The following MACROD2 variants were observed in gnomAD, a reference collection of about 807,000 sequenced individuals.
MACROD2 encodes the protein ADP-ribose glycohydrolase MACROD2.
Under a neutral mutation model 70.4 loss-of-function variants are expected in MACROD2, and 36 were observed. The observed-to-expected ratio is 0.51, with a 90% confidence interval of 0.39 to 0.68. MACROD2 has a LOEUF of 0.68. Ranked by LOEUF, MACROD2 falls within the 30% of genes least tolerant of loss-of-function variation. The pLI is 0.00. For missense variants in MACROD2, 496 were observed against 538.4 expected (o/e 0.92, Z 0.78); for synonymous variants, 172 against 178.8 (o/e 0.96, Z 0.30).
chr20:14,292,613 C>CTCAT (rs1472034761), intron 3 of MACROD2, among the ~76,000 whole-genome samples: 1 of 151,848 alleles, frequency 6.6e-6, no homozygotes, highest in Non-Finnish European at 1.5e-5. Context: ...AAACTAAAAG[C>CTCAT]TCATTCATTC....
At chr20:15,919,592 G>A (rs538477553) in intron 10 of MACROD2, among the ~76,000 whole-genome samples, 3 of 151,998 alleles carry the variant, frequency 2.0e-5, no homozygotes, top group African/African-American at 2.4e-5. Context: ...AGAAATTAGC[G>A]GGTGTGGTGG....
chr20:15,847,634 G>A (rs74668272), intron 8 of MACROD2, among the ~76,000 whole-genome samples: 3,485 of 152,206 alleles, frequency 0.023, 130 homozygotes, highest in African/African-American at 0.08. Context: ...AGCAGCAGAC[G>A]TTATATAACA....
chr20:15,845,218 A>G (rs1005562211), intron 8 of MACROD2, among the ~76,000 whole-genome samples: 2 of 152,120 alleles, frequency 1.3e-5, no homozygotes, highest in Non-Finnish European at 2.9e-5. Flanking sequence ...CCTAATTCCA[A>G]TGACTGCTGT....
chr20:15,965,390 T>C lies in MACROD2; in HGVS notation c.908-2163T>C, dbSNP rs141083061. Among the ~76,000 whole-genome samples the C allele has an allele frequency of 3.9e-3, 592 of 152,308 alleles. 9 individuals are homozygous for C. The highest frequency in any genetic ancestry group is 0.014 in the African/African-American group (572 of 41,572). On this transcript the variant is annotated intron_variant, in intron 12 of 17. Transcript: ENST00000684519. ...TGTGACTCATTAGATCATAAACTTG[T>C]AAACTCGATGTAAATCACCATTGAG...
At chr20:14,198,160 AAGAG>A (rs530051276) in intron 3 of MACROD2, among the ~76,000 whole-genome samples, 2 of 151,680 alleles carry the variant, frequency 1.3e-5, no homozygotes, top group African/African-American at 2.4e-5. Context: ...AGAAGCGAGA[AAGAG>A]AGAGAGAAGG....
rs1177119119 is a variant in MACROD2, at chr20:14,774,132, C to A, written c.418+89173C>A. On this transcript the variant is annotated intron_variant, in intron 5 of 17. Transcript: ENST00000684519. Reference sequence around the variant, plus strand: ...ATCATAGAGGAATAGCCTTTAAAGACCTTGGAAGTAGAGTATTACTGCAAG... The same window carrying A: ...ATCATAGAGGAATAGCCTTTAAAGAACTTGGAAGTAGAGTATTACTGCAAG... Among the ~76,000 whole-genome samples the A allele has an allele frequency of 2.6e-5, 4 of 151,924 alleles. No individual in the cohort carries two copies. In the East Asian group the frequency reaches 7.7e-4, roughly 29 times the overall value.
intron 8 of MACROD2, among the ~76,000 whole-genome samples, chr20:15,790,612 T>C (rs953759694): frequency 3.3e-5 from 5 of 151,928 alleles, no homozygotes; most frequent in Non-Finnish European, 5.9e-5. Flanking sequence ...TAGATTAATC[T>C]CTAGATGGTA....
At chr20:14,507,200 G>A (rs2084978281) in intron 4 of MACROD2, among the ~76,000 whole-genome samples, 1 of 152,086 alleles carries the variant, frequency 6.6e-6, no homozygotes, top group Admixed American at 6.6e-5. Flanking sequence ...ATGCAGGGTA[G>A]TGATGGTTAC....
At chr20:14,647,924 A>C (rs1036460413) in intron 4 of MACROD2, among the ~76,000 whole-genome samples, 2 of 152,108 alleles carry the variant, frequency 1.3e-5, no homozygotes, top group Non-Finnish European at 2.9e-5. Flanking sequence ...AGAAGACCCA[A>C]CACCACCTCT....
chr20:14,712,165 A>C (rs529473551), intron 5 of MACROD2, among the ~76,000 whole-genome samples: 2 of 152,276 alleles, frequency 1.3e-5, no homozygotes, highest in East Asian at 1.9e-4. Context: ...TCAGTTAAAA[A>C]ATATATTTCT....
intron 3 of MACROD2, among the ~76,000 whole-genome samples, chr20:14,181,289 A>G (rs1395420600): frequency 1.3e-5 from 2 of 151,882 alleles, no homozygotes; most frequent in African/African-American, 4.8e-5. Context: ...GCTGGTCTCA[A>G]ACTCCTGGGC....
chr20:14,799,176 A>G (rs2072545099), intron 5 of MACROD2, among the ~76,000 whole-genome samples: 1 of 152,164 alleles, frequency 6.6e-6, no homozygotes. Flanking sequence ...TCCTATAAAG[A>G]TTTCTTATTT....
intron 6 of MACROD2, among the ~76,000 whole-genome samples, chr20:15,276,458 T>G (rs2077394154): frequency 6.6e-6 from 1 of 151,620 alleles, no homozygotes; most frequent in African/African-American, 2.4e-5. Context: ...CTAACTTAAC[T>G]AGTTATTTGA....
intron 8 of MACROD2, among the ~76,000 whole-genome samples, chr20:15,762,978 A>C (rs1224235613): frequency 6.6e-6 from 1 of 152,198 alleles, no homozygotes; most frequent in Non-Finnish European, 1.5e-5. Flanking sequence ...GGTGAGAATA[A>C]ATTCATTAAC....
intron 10 of MACROD2, among the ~76,000 whole-genome samples, chr20:15,920,411 G>A (rs2065386261): frequency 6.6e-6 from 1 of 152,208 alleles, no homozygotes; most frequent in Admixed American, 6.5e-5. Flanking sequence ...GTATCAGGAA[G>A]TAGCATAACT....
intron 3 of MACROD2, chr20:14,337,376 C>A: frequency 2.0e-5 from 6 of 302,192 alleles, no homozygotes; most frequent in Non-Finnish European, 3.0e-5. Flanking sequence ...CTGGGACAAT[C>A]ATAAGAAAAA....
chr20:15,439,662 G>T (rs142009926), intron 7 of MACROD2, among the ~76,000 whole-genome samples: 6 of 152,294 alleles, frequency 3.9e-5, no homozygotes, highest in Non-Finnish European at 8.8e-5. Flanking sequence ...GAGGAGACAG[G>T]ATGAGAGCAG....
intron 5 of MACROD2, among the ~76,000 whole-genome samples, chr20:14,917,069 C>T (rs1396485081): frequency 6.6e-6 from 1 of 151,548 alleles, no homozygotes; most frequent in Non-Finnish European, 1.5e-5. Flanking sequence ...CCCTTTTCTT[C>T]CTCGGGGTGG....
At position 16,044,603 on chromosome 20, in the gene MACROD2, G is replaced by C. The variant is rs373139257; in HGVS notation, c.1264G>C (p.Asp422His). Residue 422 changes from aspartate to histidine, a missense_variant, in exon 17 of 18, where the codon GAC becomes CAC. Asp to His is a moderately conservative substitution (Grantham distance 81). Coordinates refer to ENST00000684519, the MANE Select transcript of MACROD2 (RefSeq NM_001351661.2). ...GAATAGTCAGGTTGACAAGGTAAAT[G>C]ACCCAACAGAGAGTCAACAAGAAGA... ...EMNSQVDKVN[D>H]PTESQQEDQL... 6.2e-7 allele frequency: 1 copy of C among 1,610,450 alleles called. No individual in the cohort carries two copies. Among genetic ancestry groups the C allele is most frequent in the African/African-American group, 1.3e-5 (1 of 74,380 alleles).
Sources: allele counts gnomAD v4.1 joint callset (sites outside exome capture counted in the v4.1 genomes callset), GRCh38; gene constraint gnomAD v4.1.1; transcripts MANE v1.5; gene names NCBI Gene and HGNC (gene_info 2026-07-23, HGNC 2026-07-21).